The following ATP8A2 variants were observed in gnomAD, a reference collection of about 807,000 sequenced individuals.
ATP8A2 encodes ATPase phospholipid transporting 8A2.
A neutral mutation model predicts 165.6 loss-of-function variants in ATP8A2; 100 were observed. That is an observed-to-expected ratio of 0.60 (90% CI 0.51 to 0.71). ATP8A2 has a LOEUF of 0.71. Among genes scored for constraint, ATP8A2 ranks in the 30% least tolerant of loss-of-function variants. The probability of loss-of-function intolerance (pLI) is 0.00; values close to 1 mark genes in which losing one functional copy is unlikely to be tolerated. For missense variants in ATP8A2, 1,227 were observed against 1,479.5 expected (o/e 0.83, Z 2.80); for synonymous variants, 543 against 548.8 (o/e 0.99, Z 0.15).
chr13:25,879,594 T>C (rs933965946), intron 33 of ATP8A2, among the ~76,000 whole-genome samples: 1 of 152,168 alleles, frequency 6.6e-6, no homozygotes, highest in Non-Finnish European at 1.5e-5. Context: ...GGCGATGGAT[T>C]CTGGACTCCA....
At chr13:25,413,288 T>C (rs1392122675) in intron 1 of ATP8A2, among the ~76,000 whole-genome samples, 2 of 145,310 alleles carry the variant, frequency 1.4e-5, no homozygotes, top group Non-Finnish European at 3.0e-5. Context: ...GTTTTTTTTT[T>C]TTTTTTTTTT....
chr13:25,435,559 G>A (rs2034734948), intron 1 of ATP8A2, among the ~76,000 whole-genome samples: 1 of 152,128 alleles, frequency 6.6e-6, no homozygotes, highest in African/African-American at 2.4e-5. Flanking sequence ...TCAAGCGCAA[G>A]GTAGTACTTC....
At chr13:25,497,074 G>A (rs888198868) in intron 2 of ATP8A2, among the ~76,000 whole-genome samples, 1 of 152,174 alleles carries the variant, frequency 6.6e-6, no homozygotes, top group African/African-American at 2.4e-5. Context: ...CCTCCTGCAG[G>A]TGTGTGTTCT....
intron 33 of ATP8A2, among the ~76,000 whole-genome samples, chr13:25,959,322 C>G (rs1207414177): frequency 6.6e-6 from 1 of 152,202 alleles, no homozygotes; most frequent in African/African-American, 2.4e-5. Flanking sequence ...CACCCAGATC[C>G]TGGTTTCCAT....
chr13:25,737,101 G>A (rs1242876012), intron 25 of ATP8A2, among the ~76,000 whole-genome samples: 1 of 152,100 alleles, frequency 6.6e-6, no homozygotes, highest in Non-Finnish European at 1.5e-5. Flanking sequence ...TGAACAAGAG[G>A]CAAGAAGTGA....
intron 33 of ATP8A2, among the ~76,000 whole-genome samples, chr13:25,954,811 A>G (rs1566301266): frequency 6.6e-6 from 1 of 152,240 alleles, no homozygotes. Flanking sequence ...AACATCAACA[A>G]AAAGGATGTC....
intron 25 of ATP8A2, among the ~76,000 whole-genome samples, chr13:25,726,527 C>T (rs889201097): frequency 7.2e-5 from 11 of 151,868 alleles, no homozygotes; most frequent in Admixed American, 5.9e-4. Context: ...GGCTTGTGGC[C>T]CCTTCTCTCA....
chr13:25,431,311 G>T (rs1026006603), intron 1 of ATP8A2, among the ~76,000 whole-genome samples: 1 of 152,070 alleles, frequency 6.6e-6, no homozygotes. Context: ...ACGATGCCTG[G>T]CTAATTTTAT....
At chr13:25,673,656 C>T (rs2042312093) in intron 24 of ATP8A2, among the ~76,000 whole-genome samples, 1 of 152,170 alleles carries the variant, frequency 6.6e-6, no homozygotes, top group African/African-American at 2.4e-5. Flanking sequence ...CAGATCTGAT[C>T]ATAATCTTCC....
At chr13:25,913,855 C>A (rs1468449986) in intron 33 of ATP8A2, among the ~76,000 whole-genome samples, 4 of 152,112 alleles carry the variant, frequency 2.6e-5, no homozygotes, top group African/African-American at 9.7e-5. Flanking sequence ...AGCAGGAGGG[C>A]TTCTAGCTGA....
At chr13:25,628,723 G>A (rs1455669958) in intron 24 of ATP8A2, among the ~76,000 whole-genome samples, 1 of 151,930 alleles carries the variant, frequency 6.6e-6, no homozygotes, top group Non-Finnish European at 1.5e-5. Context: ...CCTTCCCTCT[G>A]TATATGACTG....
intron 25 of ATP8A2, among the ~76,000 whole-genome samples, chr13:25,738,333 GCC>G (rs775044728): frequency 1.2e-4 from 5 of 43,158 alleles, no homozygotes; most frequent in East Asian, 2.8e-3. Context: ...TTCTTTTTGT[GCC>G]CCCCTCCCCC....
chr13:25,750,112 C>T lies in ATP8A2; in HGVS notation c.2385-18934C>T, dbSNP rs888532181. ...ATCTTTAGAAATCATCTGATTGTCT[C>T]AATATTTATTTACTTATTTGTGTCC... On this transcript the variant is annotated intron_variant, in intron 25 of 36. Transcript: ENST00000381655. This position sits in a 1 kb window ranked among gnomAD's most constrained non-coding sequence, Gnocchi z 4.3. Among the ~76,000 whole-genome samples the T allele has an allele frequency of 6.6e-6, 1 of 152,144 alleles. No individual in the cohort carries two copies. The highest frequency in any genetic ancestry group is 6.5e-5 in the Admixed American group (1 of 15,272).
intron 24 of ATP8A2, among the ~76,000 whole-genome samples, chr13:25,688,456 C>T (rs893855146): frequency 2.0e-5 from 3 of 152,102 alleles, no homozygotes; most frequent in African/African-American, 7.2e-5. Context: ...CTGAGGCCAC[C>T]GTGGAAATGA....
At chr13:25,568,285 G>A (rs2039372791) in intron 16 of ATP8A2, among the ~76,000 whole-genome samples, 1 of 152,146 alleles carries the variant, frequency 6.6e-6, no homozygotes, top group Non-Finnish European at 1.5e-5. Context: ...CAAGGAAGAA[G>A]ATATAACTTT....
At chr13:25,375,866 G>T (rs2032605931) in intron 1 of ATP8A2, among the ~76,000 whole-genome samples, 1 of 152,020 alleles carries the variant, frequency 6.6e-6, no homozygotes. Flanking sequence ...CCACCGTTTG[G>T]ACCAGGACTA....
chr13:25,845,346 C>T (rs947019573), intron 30 of ATP8A2, among the ~76,000 whole-genome samples: 14 of 152,138 alleles, frequency 9.2e-5, no homozygotes, highest in South Asian at 2.1e-4. Flanking sequence ...AATACAAAAT[C>T]GGTCTTGATT....
intron 1 of ATP8A2, among the ~76,000 whole-genome samples, chr13:25,376,904 G>T (rs2032647633): frequency 6.6e-6 from 1 of 152,188 alleles, no homozygotes; most frequent in African/African-American, 2.4e-5. Flanking sequence ...CAGGAGCTCT[G>T]ATTCTGGACA....
At chr13:25,914,211 C>T (rs1954201853) in intron 33 of ATP8A2, among the ~76,000 whole-genome samples, 1 of 152,146 alleles carries the variant, frequency 6.6e-6, no homozygotes, top group South Asian at 2.1e-4. Context: ...CCTTAGAGTT[C>T]AGCCCTTCCT....
Sources: allele counts gnomAD v4.1 joint callset (sites outside exome capture counted in the v4.1 genomes callset), GRCh38; gene constraint gnomAD v4.1.1; non-coding constraint Gnocchi (gnomAD v3.1); transcripts MANE v1.5; gene names NCBI Gene and HGNC (gene_info 2026-07-23, HGNC 2026-07-21).